FAM227B: variants seen among roughly 807,000 people sequenced by gnomAD.
FAM227B encodes the protein family with sequence similarity 227 member B.
A neutral mutation model predicts 73.8 loss-of-function variants in FAM227B; 88 were observed. The ratio of observed to expected loss-of-function variants is 1.19; its 90% confidence interval spans 1.00 to 1.42. The LOEUF is 1.42. Ranked by LOEUF, FAM227B falls within the 40% of genes most tolerant of loss-of-function variation. The pLI, the probability that FAM227B is intolerant of heterozygous loss-of-function variation, is 0.00. For synonymous variants in FAM227B, 210 were observed against 190.5 expected (o/e 1.10, Z -0.84); for missense variants, 632 against 590.9 (o/e 1.07, Z -0.72).
chr15:49,363,557 T>C (rs2044614476), intron 13 of FAM227B, among the ~76,000 whole-genome samples: 2 of 152,164 alleles, frequency 1.3e-5, no homozygotes, highest in African/African-American at 4.8e-5. Context: ...TATAGGATCA[T>C]ATTGTCTATA....
chr15:49,503,034 G>C (rs2058272330), intron 11 of FAM227B, among the ~76,000 whole-genome samples: 1 of 152,098 alleles, frequency 6.6e-6, no homozygotes, highest in Non-Finnish European at 1.5e-5. Context: ...ATACTACAAG[G>C]CTACAGTAAC....
At chr15:49,453,390 C>T (rs918217992) in intron 11 of FAM227B, among the ~76,000 whole-genome samples, 1 of 152,174 alleles carries the variant, frequency 6.6e-6, no homozygotes. Flanking sequence ...AGGCATGCGC[C>T]ACCGTGCCTG....
chr15:49,424,219 T>G, intron 11 of FAM227B: 1 of 1,278,970 alleles, frequency 7.8e-7, no homozygotes, highest in Non-Finnish European at 1.1e-6. Context: ...TAGGAAGAGG[T>G]CAATGACCTA....
At chr15:49,353,521 A>G (rs1356189590) in intron 13 of FAM227B, 1 of 152,162 alleles carries the variant, frequency 6.6e-6, no homozygotes, top group Non-Finnish European at 1.5e-5. Flanking sequence ...CATTTCATCA[A>G]GTTAACGTGT....
At chr15:49,405,383 G>A (rs2048445396) in intron 11 of FAM227B, among the ~76,000 whole-genome samples, 1 of 152,112 alleles carries the variant, frequency 6.6e-6, no homozygotes, top group Non-Finnish European at 1.5e-5. Context: ...CTCTTTTGGG[G>A]ACACCAATGA....
chr15:49,599,749 A>T (rs1188149646), intron 3 of FAM227B, among the ~76,000 whole-genome samples: 1 of 152,146 alleles, frequency 6.6e-6, no homozygotes, highest in Non-Finnish European at 1.5e-5. Flanking sequence ...TTCTAGTTTA[A>T]TATTATTGTG....
chr15:49,380,798 A>G (rs994853799), intron 11 of FAM227B, among the ~76,000 whole-genome samples: 3 of 152,024 alleles, frequency 2.0e-5, no homozygotes, highest in African/African-American at 7.3e-5. Flanking sequence ...GATTTGATTT[A>G]ATTGGCCCCT....
intron 9 of FAM227B, among the ~76,000 whole-genome samples, chr15:49,543,948 T>C (rs2071453337): frequency 1.3e-5 from 2 of 152,174 alleles, no homozygotes; most frequent in Admixed American, 1.3e-4. Context: ...TCTAAATTTG[T>C]TCTTTTTGTT....
intron 13 of FAM227B, among the ~76,000 whole-genome samples, chr15:49,361,553 C>T (rs183014527): frequency 1.3e-5 from 2 of 152,278 alleles, no homozygotes; most frequent in Middle Eastern, 3.4e-3. Flanking sequence ...CAGCTCCATT[C>T]ATATTGCTGC....
At chr15:49,408,670 C>G (rs1375480038) in intron 11 of FAM227B, among the ~76,000 whole-genome samples, 1 of 152,122 alleles carries the variant, frequency 6.6e-6, no homozygotes, top group African/African-American at 2.4e-5. Context: ...CATATTCAGT[C>G]TATTACTTAA....
At chr15:49,577,254 G>T in intron 6 of FAM227B, 4 of 345,102 alleles carry the variant, frequency 1.2e-5, no homozygotes, top group South Asian at 9.3e-5. Flanking sequence ...CCACGGTTGC[G>T]CCACTGCACT....
At position 49,374,662 on chromosome 15, in the gene FAM227B, G is replaced by T. The variant is rs556594740; in HGVS notation, c.1013-3263C>A. ...AGGTTCAAGCGATTCTCCTGCCTCA[G>T]CCTCCTGAGTATTGAGATTACAGGT... is the stretch of plus-strand genomic sequence containing the variant. On this transcript the variant is annotated intron_variant, in intron 11 of 15. Transcript: ENST00000299338. Among the ~76,000 whole-genome samples, 139 of 152,302 alleles carry T rather than the reference G, an allele frequency of 9.1e-4. 5 individuals carry two copies. In the South Asian group the frequency reaches 0.028, roughly 30 times the overall value.
At chr15:49,473,320 T>G (rs779831491) in intron 11 of FAM227B, among the ~76,000 whole-genome samples, 16 of 152,136 alleles carry the variant, frequency 1.1e-4, no homozygotes, top group Non-Finnish European at 1.8e-4. Context: ...ATTTATAACC[T>G]TAACAAACCA....
intron 6 of FAM227B, 57 bp from the exon 7 acceptor site, chr15:49,576,902 G>C: frequency 2.1e-6 from 2 of 954,096 alleles, no homozygotes; most frequent in Non-Finnish European, 3.3e-6. Flanking sequence ...CACTATAGTA[G>C]ACTCATATAA....
chr15:49,366,648 C>T (rs2045244324), intron 13 of FAM227B: 4 of 1,567,952 alleles, frequency 2.6e-6, no homozygotes, highest in South Asian at 2.2e-5. Context: ...CAGAGCAGGG[C>T]GGCCGTGGCA....
At chr15:49,499,222 T>C (rs2057927569) in intron 11 of FAM227B, among the ~76,000 whole-genome samples, 2 of 119,586 alleles carry the variant, frequency 1.7e-5, no homozygotes, top group Admixed American at 7.8e-5. Flanking sequence ...AAGTATTCAA[T>C]ACAACAAAAA....
chr15:49,540,123 C>T (rs917552714), intron 10 of FAM227B, among the ~76,000 whole-genome samples: 2 of 152,156 alleles, frequency 1.3e-5, no homozygotes, highest in Non-Finnish European at 2.9e-5. Flanking sequence ...GGTTAACCAT[C>T]TCAGTGGAAG....
intron 10 of FAM227B, among the ~76,000 whole-genome samples, chr15:49,524,952 C>T (rs1482480041): frequency 1.3e-5 from 2 of 152,166 alleles, no homozygotes; most frequent in African/African-American, 4.8e-5. Flanking sequence ...TAGGAAGTAA[C>T]TAACTTGCTT....
intron 3 of FAM227B, among the ~76,000 whole-genome samples, chr15:49,610,854 C>A (rs185113964): frequency 1.2e-4 from 19 of 152,210 alleles, no homozygotes; most frequent in Admixed American, 1.2e-3. Flanking sequence ...TGATGTAACA[C>A]CTCTACAGAT....
Sources: gnomAD v4.1 joint callset for allele counts (sites outside exome capture counted in the v4.1 genomes callset) on GRCh38, gnomAD v4.1.1 for gene constraint, MANE v1.5 for transcripts, NCBI Gene and HGNC (gene_info 2026-07-23, HGNC 2026-07-21) for gene names.